SYN3: variants seen among roughly 807,000 people sequenced by gnomAD.
SYN3 encodes the protein synapsin III.
A neutral mutation model predicts 65.8 loss-of-function variants in SYN3; 35 were observed. That is an observed-to-expected ratio of 0.53 (90% CI 0.41 to 0.70). SYN3 has a LOEUF of 0.70. SYN3 is among the 30% of genes least tolerant of loss of function. SYN3 has a pLI of 0.00. For synonymous variants in SYN3, 270 were observed against 292.9 expected (o/e 0.92, Z 0.80); for missense variants, 680 against 749.0 (o/e 0.91, Z 1.08).
In SYN3 at chr22:32,518,249, G is replaced by C; in HGVS notation, c.1404C>G (p.Pro468=). 2 of 1,613,462 alleles carry C rather than the reference G, an allele frequency of 1.2e-6. No individual in the cohort carries two copies. Among genetic ancestry groups the C allele is most frequent in the Non-Finnish European group, 1.7e-6 (2 of 1,179,702 alleles). ...GTGGAGATCCGGACTGGGGGCTCAG[G>C]GGCTGCTGGCCTTGTGGGGAGAGCC... is the stretch of plus-strand genomic sequence containing the variant. ...QQRLSPQGQQ[P]LSPQSGSPQQ... Residue 468 remains proline, a synonymous_variant, in exon 13 of 14, where the codon CCC becomes CCG. Coordinates refer to ENST00000358763, the MANE Select transcript of SYN3 (RefSeq NM_003490.4).
intron 6 of SYN3, among the ~76,000 whole-genome samples, chr22:32,651,432 C>T (rs751437255): frequency 6.6e-5 from 10 of 152,148 alleles, no homozygotes; most frequent in Middle Eastern, 3.4e-3. Flanking sequence ...TTGTTATTTT[C>T]GATGGTGTGG....
chr22:32,558,324 GTGTA>G (rs965606866), intron 7 of SYN3, among the ~76,000 whole-genome samples: 20 of 152,234 alleles, frequency 1.3e-4, no homozygotes, highest in Admixed American at 1.1e-3. Context: ...CATGAAGACA[GTGTA>G]TGTCCACTCA....
intron 6 of SYN3, among the ~76,000 whole-genome samples, chr22:32,781,031 TTTC>T (rs775906304): frequency 5.0e-5 from 7 of 140,758 alleles, no homozygotes; most frequent in Non-Finnish European, 7.7e-5. Flanking sequence ...CTCTCTCTTT[TTTC>T]TTTCTTTCCC....
At chr22:32,847,699 GTGTT>G (rs1328544042) in intron 6 of SYN3, among the ~76,000 whole-genome samples, 1 of 152,214 alleles carries the variant, frequency 6.6e-6, no homozygotes, top group Non-Finnish European at 1.5e-5. Flanking sequence ...GTGTGTGTGT[GTGTT>G]TGTGTTTGTG....
rs1349724795 is a variant in SYN3 at position 32,596,445 on chromosome 22, TC to T, written c.774+228del. 2.0e-5 allele frequency among the ~76,000 whole-genome samples: 3 copies of T among 152,206 alleles called. No individual in the cohort carries two copies. In the East Asian group the frequency reaches 5.8e-4, roughly 29 times the overall value. On this transcript the variant is annotated intron_variant, in intron 7 of 13. Coordinates refer to ENST00000358763, the MANE Select transcript of SYN3 (RefSeq NM_003490.4). ...TCATAGAGAATGATTAGTTAGCAAT[TC>T]CAGGTAGGATTTGGCAAGGATGGAC...
intron 6 of SYN3, among the ~76,000 whole-genome samples, chr22:32,852,869 C>T (rs919061151): frequency 2.0e-5 from 3 of 152,180 alleles, no homozygotes; most frequent in African/African-American, 7.2e-5. Flanking sequence ...CTGTGGGGAC[C>T]TTATCTCCCA....
chr22:32,626,341 T>A (rs1208558877), intron 6 of SYN3, among the ~76,000 whole-genome samples: 1 of 152,052 alleles, frequency 6.6e-6, no homozygotes, highest in African/African-American at 2.4e-5. Flanking sequence ...CTGACAACAA[T>A]GTGTGCTGAG....
chr22:32,950,213 G>T (rs2051248987), intron 3 of SYN3, among the ~76,000 whole-genome samples: 2 of 152,152 alleles, frequency 1.3e-5, no homozygotes, highest in Non-Finnish European at 2.9e-5. Flanking sequence ...AAGTTCACAG[G>T]AAAAAGTCAG....
In SYN3 at chr22:32,766,653, C is replaced by T. The variant is rs559763554; in HGVS notation, c.711+98262G>A. Among the ~76,000 whole-genome samples, 19 of 152,302 alleles carry T rather than the reference C, an allele frequency of 1.2e-4. No individual in the cohort carries two copies. The East Asian group carries it at 3.7e-3, about 29-fold the overall frequency. On this transcript the variant is annotated intron_variant, in intron 6 of 13. Coordinates refer to ENST00000358763, the MANE Select transcript of SYN3 (RefSeq NM_003490.4). ...GGCTCCTGTCCCCACCTCCGTGAGC[C>T]CTTCTACTTTCATCATGTCACTGAG...
intron 13 of SYN3, among the ~76,000 whole-genome samples, chr22:32,516,005 A>G (rs1487955683): frequency 1.3e-5 from 2 of 152,064 alleles, no homozygotes; most frequent in South Asian, 2.1e-4. Context: ...TCACTGTGTT[A>G]GCCAGGATGG....
intron 6 of SYN3, among the ~76,000 whole-genome samples, chr22:32,758,825 G>GGT (rs2045372499): frequency 6.6e-6 from 1 of 150,722 alleles, no homozygotes; most frequent in South Asian, 2.1e-4. Flanking sequence ...TCACCTATAT[G>GGT]GTGTCTGGTA....
chr22:32,868,415 T>C (rs1182926010), intron 5 of SYN3, among the ~76,000 whole-genome samples: 1 of 151,530 alleles, frequency 6.6e-6, no homozygotes, highest in African/African-American at 2.4e-5. Flanking sequence ...ATAACATGTA[T>C]ATATTAACGT....
chr22:32,643,375 A>G (rs942774897), intron 6 of SYN3, among the ~76,000 whole-genome samples: 2 of 151,964 alleles, frequency 1.3e-5, no homozygotes, highest in Non-Finnish European at 2.9e-5. Context: ...ACTGCGCCCC[A>G]CCAAGGGGGT....
At chr22:32,632,036 G>A (rs770366126) in intron 6 of SYN3, among the ~76,000 whole-genome samples, 3 of 152,232 alleles carry the variant, frequency 2.0e-5, no homozygotes, top group Non-Finnish European at 4.4e-5. Context: ...GCGCCGGAGG[G>A]ATGCTGAAGG....
chr22:33,006,984 C>T (rs187812756), intron 1 of SYN3, among the ~76,000 whole-genome samples, 160 bp from the exon 2 acceptor site: 1 of 152,186 alleles, frequency 6.6e-6, no homozygotes, highest in Admixed American at 6.5e-5. Flanking sequence ...AGCTTTTTAA[C>T]CTACAATTTC....
intron 3 of SYN3, among the ~76,000 whole-genome samples, chr22:32,970,392 G>A (rs532596055): frequency 6.6e-6 from 1 of 151,160 alleles, no homozygotes; most frequent in African/African-American, 2.4e-5. Flanking sequence ...CTGTAATCCC[G>A]ACACTTTGTG....
chr22:32,839,259 G>A (rs895464558), intron 6 of SYN3, among the ~76,000 whole-genome samples: 4 of 152,134 alleles, frequency 2.6e-5, no homozygotes, highest in Admixed American at 6.5e-5. Flanking sequence ...CAAGGGAGGT[G>A]TAGGTGAGGA....
intron 6 of SYN3, among the ~76,000 whole-genome samples, chr22:32,761,907 G>A (rs965843190): frequency 8.5e-5 from 13 of 152,188 alleles, no homozygotes; most frequent in African/African-American, 3.1e-4. Context: ...GATACGGGAT[G>A]GGGAAGGGGA....
At chr22:32,528,175 G>C (rs898523979) in intron 11 of SYN3, among the ~76,000 whole-genome samples, 170 bp from the exon 12 acceptor site, 2 of 152,172 alleles carry the variant, frequency 1.3e-5, no homozygotes, top group East Asian at 1.9e-4. Flanking sequence ...GTATACGTCG[G>C]TGTAACCACT....
Sources: allele counts gnomAD v4.1 joint callset (sites outside exome capture counted in the v4.1 genomes callset), GRCh38; gene constraint gnomAD v4.1.1; transcripts MANE v1.5; gene names NCBI Gene and HGNC (gene_info 2026-07-23, HGNC 2026-07-21).